ARHGDIB: variants seen among roughly 807,000 people sequenced by gnomAD.
ARHGDIB encodes Rho GDP dissociation inhibitor beta.
A neutral mutation model predicts 22.6 loss-of-function variants in ARHGDIB; 20 were observed. That is an observed-to-expected ratio of 0.88 (90% confidence interval 0.62 to 1.28). ARHGDIB has a LOEUF of 1.28. ARHGDIB is among the 50% of genes most tolerant of loss of function. The pLI is 0.00. For synonymous variants in ARHGDIB, 114 were observed against 96.1 expected, an observed-to-expected ratio of 1.19 and a Z score of -1.09; for missense variants, 254 against 245.4, an observed-to-expected ratio of 1.04 and a Z score of -0.23.
intron 5 of ARHGDIB, among the ~76,000 whole-genome samples, chr12:14,943,741 G>A (rs1262129482): frequency 6.6e-6 from 1 of 152,056 alleles, no homozygotes; most frequent in Non-Finnish European, 1.5e-5. Context: ...GTGGTTAACT[G>A]GAATATATAT....
chr12:14,942,733 G>T lies in ARHGDIB; in HGVS notation c.407-12C>A. On this transcript the variant is annotated splice_polypyrimidine_tract_variant and intron_variant, in intron 5 of 5. Coordinates refer to ENST00000228945, the MANE Select transcript of ARHGDIB (RefSeq NM_001175.7). Reference sequence around the variant, plus strand: ...TGTTGCTTTATCCACTAAGAAGAAAGAAGAGTTCATTAGGGTAAGAGCCTG... The same window carrying T: ...TGTTGCTTTATCCACTAAGAAGAAATAAGAGTTCATTAGGGTAAGAGCCTG... 2 of 1,612,822 alleles carry T rather than the reference G, an allele frequency of 1.2e-6. No individual in the cohort carries two copies. Among genetic ancestry groups the T allele is most frequent in the Non-Finnish European group, 1.7e-6 (2 of 1,179,652 alleles).
At chr12:14,944,689 G>A (rs1863967439) in intron 5 of ARHGDIB, 87 bp downstream of exon 5, 1 of 1,295,674 alleles carries the variant, frequency 7.7e-7, no homozygotes. Flanking sequence ...TCTCATCTGA[G>A]TCTATAGCTA....
At chr12:14,951,193 G>A (rs1864168459) in intron 1 of ARHGDIB, 1 of 153,178 alleles carries the variant, frequency 6.5e-6, no homozygotes, top group African/African-American at 2.4e-5. Context: ...TGGAGTACTT[G>A]CCAGAGAAAT....
intron 1 of ARHGDIB, among the ~76,000 whole-genome samples, chr12:14,955,469 A>C (rs778431068): frequency 1.3e-5 from 2 of 152,182 alleles, no homozygotes; most frequent in Non-Finnish European, 2.9e-5. Context: ...GTATATATTT[A>C]AGATGTAAAA....
rs865916031 is a variant in ARHGDIB, at chr12:14,952,288, A to T, written c.-12-1564T>A. Among the ~76,000 whole-genome samples, 170 of 151,842 alleles carry T rather than the reference A, an allele frequency of 1.1e-3. 3 individuals are homozygous for T. The highest frequency in any genetic ancestry group is 3.1e-3 in the African/African-American group (130 of 41,458). ...AATTTTAATGGAACCAAAAAAAAAAAAAAAAAGAGAAACAAAGAAATAATA... is the reference window on the plus strand; with the variant it reads ...AATTTTAATGGAACCAAAAAAAAAATAAAAAAGAGAAACAAAGAAATAATA... On this transcript the variant is annotated intron_variant, in intron 1 of 5. Transcript: ENST00000228945.
chr12:14,958,840 T>G (rs1238823288), intron 1 of ARHGDIB, among the ~76,000 whole-genome samples: 1 of 152,162 alleles, frequency 6.6e-6, no homozygotes, highest in African/African-American at 2.4e-5. Context: ...CACAGGATGA[T>G]TCAGGATGTG....
chr12:14,943,377 G>GTTTT (rs10713403), intron 5 of ARHGDIB, among the ~76,000 whole-genome samples: 7 of 143,902 alleles, frequency 4.9e-5, no homozygotes, highest in African/African-American at 1.0e-4. Flanking sequence ...GATTAAGCCT[G>GTTTT]TTTTTTTTTT....
chr12:14,944,937 ATGAAAAAAC>A lies in ARHGDIB; in HGVS notation c.343-107_343-99del. On this transcript the variant is annotated intron_variant, in intron 4 of 5. Coordinates refer to ENST00000228945, the MANE Select transcript of ARHGDIB (RefSeq NM_001175.7). ...CTGCCTAGCTGAATCGTCTCTGACA[ATGAAAAAAC>A]TAAAGATTTAGTTCAGAATTGGTGT... 3.1e-6 allele frequency: 3 copies of A among 971,874 alleles called. No individual in the cohort carries two copies. In the South Asian group the frequency reaches 5.3e-5, roughly 17 times the overall value. 60.2% of individuals were successfully genotyped at this position (971,874 alleles called of 1,614,324 possible). A position where few individuals can be genotyped will look rare whatever the true frequency, so the allele number is the denominator to read the frequency against.
chr12:14,955,009 C>T (rs114112192), intron 1 of ARHGDIB, among the ~76,000 whole-genome samples: 2,244 of 152,204 alleles, frequency 0.015, 45 homozygotes, highest in African/African-American at 0.049. Flanking sequence ...GTATGTGAAT[C>T]CCCAACAGAT....
At chr12:14,950,465 G>A (rs1864141404) in intron 2 of ARHGDIB, 67 bp downstream of exon 2, 1 of 1,457,340 alleles carries the variant, frequency 6.9e-7, no homozygotes, top group African/African-American at 1.4e-5. Flanking sequence ...TGCTGCTCCT[G>A]AGCAGCCAAA....
intron 4 of ARHGDIB, among the ~76,000 whole-genome samples, chr12:14,946,970 G>T (rs1016732552): frequency 2.0e-5 from 3 of 152,128 alleles, no homozygotes; most frequent in African/African-American, 7.2e-5. Context: ...ATATTTCCAG[G>T]ATGAAATTAT....
chr12:14,944,776 C>T lies in ARHGDIB; in HGVS notation c.406G>A (p.Val136Met), dbSNP rs2120677622. Reference protein sequence around the residue: ...VQHTYRTGVKVDKATFMVGSY... With the variant: ...VQHTYRTGVKMDKATFMVGSY... ...AGTGTGGAAATGTGGGTTCCCTTAC[C>T]TTTCACCCCAGTCCTGTAGGTGTGC... The change falls in exon 5 of 6, where the codon GTG (valine) becomes ATG (methionine). Residue 136 changes from valine to methionine, a missense_variant and splice_region_variant. Val to Met is a conservative substitution (Grantham distance 21, BLOSUM62 1). Transcript: ENST00000228945. 6.2e-7 allele frequency: 1 copy of T among 1,612,582 alleles called. No individual in the cohort carries two copies. The highest frequency in any genetic ancestry group is 8.5e-7 in the Non-Finnish European group (1 of 1,179,184).
intron 4 of ARHGDIB, among the ~76,000 whole-genome samples, chr12:14,946,517 G>A (rs567884933): frequency 2.9e-4 from 44 of 152,244 alleles, no homozygotes; most frequent in African/African-American, 9.6e-4. Flanking sequence ...ACCATGCTGG[G>A]ACAAGCCACA....
intron 4 of ARHGDIB, among the ~76,000 whole-genome samples, chr12:14,947,224 G>C (rs1197735504): frequency 2.0e-5 from 3 of 152,150 alleles, no homozygotes; most frequent in African/African-American, 7.2e-5. Context: ...TATTTTTCTT[G>C]TGATTTTGGC....
chr12:14,952,530 T>G (rs74646103), intron 1 of ARHGDIB, among the ~76,000 whole-genome samples: 2,247 of 152,292 alleles, frequency 0.015, 45 homozygotes, highest in African/African-American at 0.049. Flanking sequence ...ACATAGTGAC[T>G]AATGCAATTC....
chr12:14,944,770 C>T lies in ARHGDIB; in HGVS notation c.406+6G>A. Reference sequence around the variant, plus strand: ...TGGGACAGTGTGGAAATGTGGGTTCCCTTACCTTTCACCCCAGTCCTGTAG... The same window carrying T: ...TGGGACAGTGTGGAAATGTGGGTTCTCTTACCTTTCACCCCAGTCCTGTAG... On this transcript the variant is annotated splice_donor_region_variant and intron_variant, in intron 5 of 5. Coordinates refer to ENST00000228945, the MANE Select transcript of ARHGDIB (RefSeq NM_001175.7). 3.1e-6 allele frequency: 5 copies of T among 1,612,148 alleles called. No individual in the cohort carries two copies. The highest frequency in any genetic ancestry group is 2.2e-5 in the South Asian group (2 of 90,726).
At position 14,947,084 on chromosome 12, in the gene ARHGDIB, T is replaced by C. The variant is rs531105014; in HGVS notation, c.342+789A>G. ...CCAGTGTGCAAATAGAGAGAGCAGA[T>C]GGAGTCTTCCTTGGTGGAGCCCAGG... On this transcript the variant is annotated intron_variant, in intron 4 of 5. Coordinates refer to ENST00000228945, the MANE Select transcript of ARHGDIB (RefSeq NM_001175.7). Among the ~76,000 whole-genome samples, 18 of 152,338 alleles carry C rather than the reference T, an allele frequency of 1.2e-4. 1 individual carries two copies. In the South Asian group the frequency reaches 2.1e-3, roughly 18 times the overall value.
In ARHGDIB at chr12:14,942,513, T is replaced by C. The variant is rs566545782; in HGVS notation, c.*9A>G. ...CAGGTGGCAAGGGTGGGGAAAGGGG[T>C]GGATGCATTCATTCTGTCCACTCCT... On this transcript the variant is annotated 3_prime_UTR_variant, in exon 6 of 6. Transcript: ENST00000228945. 6.2e-7 allele frequency: 1 copy of C among 1,612,778 alleles called. No homozygotes were observed. Among genetic ancestry groups the C allele is most frequent in the Non-Finnish European group, 8.5e-7 (1 of 1,179,720 alleles).
At chr12:14,953,818 G>C (rs1244958238) in intron 1 of ARHGDIB, among the ~76,000 whole-genome samples, 2 of 146,412 alleles carry the variant, frequency 1.4e-5, no homozygotes, top group South Asian at 2.1e-4. Context: ...GCTTTTGCTT[G>C]CTCTCTCTCT....
Sources: allele counts gnomAD v4.1 joint callset (sites outside exome capture counted in the v4.1 genomes callset), GRCh38; gene constraint gnomAD v4.1.1; transcripts MANE v1.5; gene names NCBI Gene and HGNC (gene_info 2026-07-23, HGNC 2026-07-21).